The following UGP2 variants were observed in gnomAD, a reference collection of about 807,000 sequenced individuals.
The protein encoded by UGP2 is UDP-glucose pyrophosphorylase 2.
In UGP2, 40 loss-of-function variants were observed where a neutral mutation model predicts 49.0. That is an observed-to-expected ratio of 0.82 (90% CI 0.63 to 1.06). The LOEUF is 1.06. Ranked by LOEUF, UGP2 falls within the 50% of genes least tolerant of loss-of-function variation. UGP2 has a pLI of 0.00. For missense variants in UGP2, 460 were observed against 603.5 expected, an observed-to-expected ratio of 0.76 and a Z score of 2.49; for synonymous variants, 225 against 213.0, an observed-to-expected ratio of 1.06 and a Z score of -0.49.
At chr2:63,884,146 C>G in intron 5 of UGP2, 53 bp downstream of exon 5, 1 of 1,598,138 alleles carries the variant, frequency 6.3e-7, no homozygotes, top group Non-Finnish European at 8.5e-7. Context: ...GAAAGGACTT[C>G]TTTATCTTGT....
chr2:63,891,284 C>T lies in UGP2; in HGVS notation c.*57C>T. On this transcript the variant is annotated 3_prime_UTR_variant, in exon 10 of 10. Coordinates refer to ENST00000337130, the MANE Select transcript of UGP2 (RefSeq NM_006759.4). ...GGCTAGTTTCTTACAATGAAATGTT[C>T]TCTAGGATTCTAAAATAGGCAGGTA... 1 of 1,437,290 alleles carries T rather than the reference C, an allele frequency of 7.0e-7. No individual in the cohort carries two copies. The highest frequency in any genetic ancestry group is 9.7e-7 in the Non-Finnish European group (1 of 1,028,818). The allele number at this position is 1,437,290 out of a possible 1,614,324, so 89.0% of individuals were successfully genotyped here.
intron 3 of UGP2, among the ~76,000 whole-genome samples, chr2:63,870,116 G>A (rs1670453705): frequency 1.3e-5 from 2 of 151,816 alleles, no homozygotes; most frequent in African/African-American, 4.8e-5. Flanking sequence ...TAGAGATGGG[G>A]TTTCACCATG....
chr2:63,857,854 T>G lies in UGP2; in HGVS notation c.173T>G (p.Phe58Cys). ...CACACCAAAAAAGACCTGGATGGATTTCGGAAGCTATTTCATAGATTTTTG... is the reference window on the plus strand; with the variant it reads ...CACACCAAAAAAGACCTGGATGGATGTCGGAAGCTATTTCATAGATTTTTG... ...FEHTKKDLDG[F>C]RKLFHRFLQE... Residue 58 changes from phenylalanine to cysteine, a missense_variant, in exon 3 of 10, where the codon TTT becomes TGT. By Grantham distance (205) the Phe-to-Cys change is radical (BLOSUM62 -2). Around this residue, in one of 2 missense-constraint regions of UGP2, gnomAD observed 143 missense variants for 130.4 expected, o/e 1.10. Coordinates refer to ENST00000337130, the MANE Select transcript of UGP2 (RefSeq NM_006759.4). 1 of 1,614,066 alleles carries G rather than the reference T, an allele frequency of 6.2e-7. No homozygotes were observed. The highest frequency in any genetic ancestry group is 1.1e-5 in the South Asian group (1 of 91,072).
At chr2:63,843,687 T>C (rs141793193) in intron 1 of UGP2, among the ~76,000 whole-genome samples, 20 of 152,368 alleles carry the variant, frequency 1.3e-4, no homozygotes, top group African/African-American at 4.8e-4. Context: ...CATTACTTTG[T>C]CATCCACTTT....
chr2:63,867,896 T>G (rs559127775), intron 3 of UGP2, among the ~76,000 whole-genome samples: 1 of 152,230 alleles, frequency 6.6e-6, no homozygotes, highest in South Asian at 2.1e-4. Flanking sequence ...AGATACACTT[T>G]AGCTAATTCT....
At chr2:63,858,981 G>A (rs1215875643) in intron 3 of UGP2, among the ~76,000 whole-genome samples, 1 of 141,254 alleles carries the variant, frequency 7.1e-6, no homozygotes, top group Non-Finnish European at 1.5e-5. Flanking sequence ...GTGTAGAAGT[G>A]TAGTTTCCTT....
chr2:63,841,925 C>A lies in UGP2; in HGVS notation c.-261C>A. 1 of 422,924 alleles carries A rather than the reference C, an allele frequency of 2.4e-6. No individual in the cohort carries two copies. The highest frequency in any genetic ancestry group is 4.2e-6 in the Non-Finnish European group (1 of 238,730). The allele number at this position is 422,924 out of a possible 1,614,324, so 26.2% of individuals were successfully genotyped here. On this transcript the variant is annotated 5_prime_UTR_variant, in exon 1 of 10. Coordinates refer to ENST00000337130, the MANE Select transcript of UGP2 (RefSeq NM_006759.4). The stretch of plus-strand genomic sequence containing the variant: ...GTCTCCAGCTGGCCCTCATTTGTGT[C>A]CGGAGCTCAGGAGTTCCCAAACCGA...
chr2:63,855,691 G>A (rs1167496344), intron 1 of UGP2: 4 of 438,464 alleles, frequency 9.1e-6, no homozygotes, highest in African/African-American at 4.1e-5. Context: ...ACAGACAAGC[G>A]CCACCACACC....
chr2:63,881,362 C>T (rs1021379604), intron 3 of UGP2, among the ~76,000 whole-genome samples: 1 of 151,878 alleles, frequency 6.6e-6, no homozygotes, highest in Non-Finnish European at 1.5e-5. Context: ...CACACACACA[C>T]ACACACACAC....
intron 3 of UGP2, 32 bp from the exon 4 acceptor site, chr2:63,882,433 TA>T (rs1671380803): frequency 6.7e-7 from 1 of 1,503,302 alleles, no homozygotes; most frequent in Non-Finnish European, 9.0e-7. Context: ...TAAAGCTGTT[TA>T]AATTACTCCT....
intron 5 of UGP2, 109 bp from the exon 6 acceptor site, chr2:63,885,480 G>A (rs1333383344): frequency 1.1e-6 from 1 of 870,550 alleles, no homozygotes; most frequent in East Asian, 3.1e-5. Flanking sequence ...CTTATTGATA[G>A]ACTCTGAAAA....
In UGP2 at chr2:63,885,740, G is replaced by A. The variant is rs748943415; in HGVS notation, c.727G>A (p.Gly243Ser). 3.1e-6 allele frequency: 5 copies of A among 1,613,832 alleles called. No individual in the cohort carries two copies. Among genetic ancestry groups the A allele is most frequent in the Non-Finnish European group, 2.5e-6 (3 of 1,179,900 alleles). Residue 243 changes from glycine to serine, a missense_variant, in exon 6 of 10, where the codon GGC becomes AGC. By Grantham distance (56) the Gly-to-Ser change is moderately conservative (BLOSUM62 0). Around this residue, in one of 2 missense-constraint regions of UGP2, gnomAD observed 317 missense variants for 473.0 expected, o/e 0.67. Transcript: ENST00000337130. ...ATTGCTTGATACCTTTATAGGAGAA[G>A]GCAAAGAGTATATTTTTGTGTCTAA... ...SGLLDTFIGE[G>S]KEYIFVSNID... is the part of the protein sequence containing the mutation.
chr2:63,844,321 G>A (rs74528945), intron 1 of UGP2, among the ~76,000 whole-genome samples: 3,348 of 152,234 alleles, frequency 0.022, 114 homozygotes, highest in African/African-American at 0.076. Context: ...ATTTTTTTAA[G>A]CAAATCAAAT....
chr2:63,877,287 T>G (rs1670971207), intron 3 of UGP2, among the ~76,000 whole-genome samples: 1 of 152,240 alleles, frequency 6.6e-6, no homozygotes, highest in Non-Finnish European at 1.5e-5. Context: ...CTGATTATGA[T>G]GTAGCTGCCA....
intron 4 of UGP2, 63 bp downstream of exon 4, chr2:63,882,714 A>G: frequency 7.1e-7 from 1 of 1,402,862 alleles, no homozygotes; most frequent in South Asian, 1.9e-5. Flanking sequence ...AAGTTATCAT[A>G]AATGTTATAA....
At chr2:63,888,512 C>A (rs1020737912) in intron 8 of UGP2, 1 of 152,222 alleles carries the variant, frequency 6.6e-6, no homozygotes, top group African/African-American at 2.4e-5. Flanking sequence ...TAATTCTTGA[C>A]TCACTTATTC....
At chr2:63,878,102 G>C (rs1671047358) in intron 3 of UGP2, among the ~76,000 whole-genome samples, 1 of 149,842 alleles carries the variant, frequency 6.7e-6, no homozygotes, top group African/African-American at 2.4e-5. Context: ...TTGTTAGTAA[G>C]TCCTGCTATG....
chr2:63,842,575 A>T, intron 1 of UGP2: 1 of 1,495,990 alleles, frequency 6.7e-7, no homozygotes, highest in Non-Finnish European at 8.9e-7. Flanking sequence ...AGGGCTGGGG[A>T]AGCGGGAGGA....
intron 1 of UGP2, among the ~76,000 whole-genome samples, chr2:63,843,361 C>A (rs764051899): frequency 2.0e-5 from 3 of 152,122 alleles, no homozygotes; most frequent in Admixed American, 1.3e-4. Context: ...GTAAGAGATG[C>A]TTATGTTCTG....
Sources: gnomAD v4.1 joint callset for allele counts (sites outside exome capture counted in the v4.1 genomes callset) on GRCh38, gnomAD v4.1.1 for gene constraint, gnomAD v4.1.1 regional missense constraint, MANE v1.5 for transcripts, NCBI Gene and HGNC (gene_info 2026-07-23, HGNC 2026-07-21) for gene names.